IQSEC1: variants seen among roughly 807,000 people sequenced by gnomAD.
IQSEC1 encodes the protein IQ motif and SEC7 domain-containing protein 1.
Under a neutral mutation model 91.0 loss-of-function variants are expected in IQSEC1, and 31 were observed. The observed-to-expected ratio is 0.34, with a 90% confidence interval of 0.26 to 0.46. The LOEUF is 0.46. IQSEC1 is among the 20% of genes least tolerant of loss of function. The pLI, the probability that IQSEC1 is intolerant of heterozygous loss-of-function variation, is 1.00. For missense variants in IQSEC1, 1,388 were observed against 1,575.6 expected (o/e 0.88, Z 2.02); for synonymous variants, 699 against 662.6 (o/e 1.05, Z -0.84).
chr3:13,262,390 C>T (rs1431499305), intron 1 of IQSEC1, among the ~76,000 whole-genome samples: 1 of 152,218 alleles, frequency 6.6e-6, no homozygotes, highest in African/African-American at 2.4e-5. Flanking sequence ...CTGGAGGGGC[C>T]TGGGGCTATC....
chr3:13,045,150 C>T (rs1250228551), intron 1 of IQSEC1, among the ~76,000 whole-genome samples: 2 of 152,214 alleles, frequency 1.3e-5, no homozygotes, highest in African/African-American at 2.4e-5. Context: ...GCCTCTGCAC[C>T]GCTGTTCCCA....
rs1575824362 is a variant in IQSEC1 at position 12,900,004 on chromosome 3, A to G, written c.*979T>C. On this transcript the variant is annotated 3_prime_UTR_variant, in exon 14 of 14. Coordinates refer to ENST00000613206, the MANE Select transcript of IQSEC1 (RefSeq NM_001134382.3). ...ATGGAGAGTCACAGTTATCGCAGCC[A>G]TTAAAGTGTCTAAGAATCCGTGTAA... 1 of 985,400 alleles carries G rather than the reference A, an allele frequency of 1.0e-6. No individual in the cohort carries two copies. The highest frequency in any genetic ancestry group is 1.1e-4 in the East Asian group (1 of 8,810). 61.0% of individuals were successfully genotyped at this position (985,400 alleles called of 1,614,324 possible). A position where few individuals can be genotyped will look rare whatever the true frequency, so the allele number is the denominator to read the frequency against.
intron 1 of IQSEC1, among the ~76,000 whole-genome samples, chr3:13,172,662 G>A (rs944009315): frequency 6.6e-6 from 1 of 152,180 alleles, no homozygotes; most frequent in Non-Finnish European, 1.5e-5. Context: ...TTCCTCAAAG[G>A]GTTCCCTTCG....
chr3:13,055,405 G>A (rs1278795531), intron 1 of IQSEC1, among the ~76,000 whole-genome samples: 1 of 152,200 alleles, frequency 6.6e-6, no homozygotes, highest in Non-Finnish European at 1.5e-5. Flanking sequence ...TTGAAATGAT[G>A]CTTCATCCAA....
intron 1 of IQSEC1, among the ~76,000 whole-genome samples, chr3:13,178,150 C>T (rs1383450530): frequency 6.6e-6 from 1 of 152,248 alleles, no homozygotes; most frequent in African/African-American, 2.4e-5. Context: ...CTACCCGAGT[C>T]CCGGGCAGTC....
At chr3:13,055,649 C>T (rs150703575) in intron 1 of IQSEC1, among the ~76,000 whole-genome samples, 2 of 152,320 alleles carry the variant, frequency 1.3e-5, no homozygotes, top group African/African-American at 4.8e-5. Context: ...CTCAAGTGAT[C>T]CAGAAAGTAA....
chr3:13,181,076 C>T (rs556931702), intron 1 of IQSEC1, among the ~76,000 whole-genome samples: 4 of 152,096 alleles, frequency 2.6e-5, no homozygotes, highest in Non-Finnish European at 4.4e-5. Context: ...TTCAGACCAT[C>T]GTGGCTAACG....
intron 1 of IQSEC1, among the ~76,000 whole-genome samples, chr3:13,203,921 G>A (rs762016495): frequency 3.5e-4 from 54 of 152,336 alleles, no homozygotes; most frequent in Non-Finnish European, 6.0e-4. Flanking sequence ...GTGGGGCCTG[G>A]CAGACCCCGT....
chr3:13,145,795 G>C (rs957663688), intron 2 of IQSEC1, among the ~76,000 whole-genome samples: 1 of 94,420 alleles, frequency 1.1e-5, no homozygotes, highest in Non-Finnish European at 2.2e-5. Flanking sequence ...GAACCTGGGC[G>C]CCCGGGGGCG....
rs898378565 is a variant in IQSEC1 at position 12,922,372 on chromosome 3, T to A, written c.1731-130A>T. On this transcript the variant is annotated intron_variant, in intron 4 of 13. Coordinates refer to ENST00000613206, the MANE Select transcript of IQSEC1 (RefSeq NM_001134382.3). The surrounding 1 kb of genome is among the most constrained non-coding windows in gnomAD (Gnocchi z 5.1). ...CTGGCAGGGAGAGCCCCTGCCTGAC[T>A]CCGACCAATCAGCCAAGAGCCCTCA... is the stretch of plus-strand genomic sequence containing the variant. 8.7e-7 allele frequency: 1 copy of A among 1,150,568 alleles called. No individual in the cohort carries two copies. The highest frequency in any genetic ancestry group is 1.2e-6 in the Non-Finnish European group (1 of 854,900). 71.3% of individuals were successfully genotyped at this position (1,150,568 alleles called of 1,614,324 possible).
chr3:13,161,317 C>T (rs762138945), intron 2 of IQSEC1, among the ~76,000 whole-genome samples: 14 of 152,120 alleles, frequency 9.2e-5, no homozygotes, highest in Non-Finnish European at 1.3e-4. Flanking sequence ...GGGGGAGGGC[C>T]GTGGTCACAC....
chr3:13,067,842 C>G (rs1265285664), intron 1 of IQSEC1, among the ~76,000 whole-genome samples: 3 of 152,254 alleles, frequency 2.0e-5, no homozygotes, highest in Non-Finnish European at 4.4e-5. Flanking sequence ...TGTTGTTATT[C>G]TTAAAGACCA....
At chr3:13,104,838 G>A (rs935565688) in intron 2 of IQSEC1, among the ~76,000 whole-genome samples, 37 of 152,216 alleles carry the variant, frequency 2.4e-4, no homozygotes, top group African/African-American at 8.4e-4. Flanking sequence ...GTCGGGGGGT[G>A]AAACAAGCAG....
At position 13,028,454 on chromosome 3, in the gene IQSEC1, T is replaced by A. The variant is rs112217332; in HGVS notation, c.23+44538A>T. Among the ~76,000 whole-genome samples, 204 of 152,272 alleles carry A rather than the reference T, an allele frequency of 1.3e-3. 1 individual carries two copies. Among genetic ancestry groups the A allele is most frequent in the African/African-American group, 4.7e-3 (195 of 41,556 alleles). ...ATGCCATGGGAGGGTAGAAACAGGA[T>A]CCTGAGCAGCTCTTGAGCATCTGGG... On this transcript the variant is annotated intron_variant, in intron 1 of 13. Coordinates refer to ENST00000613206, the MANE Select transcript of IQSEC1 (RefSeq NM_001134382.3).
At chr3:13,233,158 A>G (rs1284505601) in intron 1 of IQSEC1, among the ~76,000 whole-genome samples, 1 of 152,262 alleles carries the variant, frequency 6.6e-6, no homozygotes, top group African/African-American at 2.4e-5. Flanking sequence ...CACAGAAAAC[A>G]AAGTGTCACG....
At chr3:13,171,638 AT>A (rs1481227459) in intron 1 of IQSEC1, among the ~76,000 whole-genome samples, 5 of 152,130 alleles carry the variant, frequency 3.3e-5, no homozygotes, top group Non-Finnish European at 7.4e-5. Context: ...CTCATTTGCA[AT>A]TTCTTCCCTA....
chr3:13,246,379 CAT>C (rs1184673746), intron 1 of IQSEC1, among the ~76,000 whole-genome samples: 1 of 152,124 alleles, frequency 6.6e-6, no homozygotes, highest in African/African-American at 2.4e-5. Context: ...GTTGGTGTTT[CAT>C]GGGAACAGAG....
At chr3:13,240,039 A>C (rs1199585128) in intron 1 of IQSEC1, among the ~76,000 whole-genome samples, 1 of 152,094 alleles carries the variant, frequency 6.6e-6, no homozygotes, top group African/African-American at 2.4e-5. Flanking sequence ...TATGTTATGC[A>C]TATTTTGTAA....
chr3:12,934,950 C>T (rs1294385903), intron 3 of IQSEC1, among the ~76,000 whole-genome samples: 1 of 151,870 alleles, frequency 6.6e-6, no homozygotes, highest in African/African-American at 2.4e-5. Flanking sequence ...CCCCTGAGCA[C>T]TCCTACCCCC....
Sources: gnomAD v4.1 joint callset for allele counts (sites outside exome capture counted in the v4.1 genomes callset) on GRCh38, gnomAD v4.1.1 for gene constraint, Gnocchi (gnomAD v3.1) non-coding constraint, MANE v1.5 for transcripts, NCBI Gene and HGNC (gene_info 2026-07-23, HGNC 2026-07-21) for gene names.